The following MICU1 variants were observed in gnomAD, a reference collection of about 807,000 sequenced individuals.
The protein encoded by MICU1 is mitochondrial calcium uptake 1.
In MICU1, 45 loss-of-function variants were observed where a neutral mutation model predicts 56.8. That is an observed-to-expected ratio of 0.79 (90% CI 0.62 to 1.02). MICU1 has a LOEUF of 1.02. MICU1 is among the 50% of genes least tolerant of loss of function. MICU1 has a pLI of 0.00. For synonymous variants in MICU1, 186 were observed against 195.1 expected (o/e 0.95, Z 0.39); for missense variants, 504 against 587.1 (o/e 0.86, Z 1.46).
chr10:72,616,692 ATTGTTT>A (rs1841991757), intron 1 of MICU1, among the ~76,000 whole-genome samples: 1 of 150,854 alleles, frequency 6.6e-6, no homozygotes, highest in Non-Finnish European at 1.5e-5. Flanking sequence ...TTCGGCAAGT[ATTGTTT>A]TATCTGATCT....
At chr10:72,490,982 G>T (rs779758247) in intron 6 of MICU1, among the ~76,000 whole-genome samples, 1 of 152,082 alleles carries the variant, frequency 6.6e-6, no homozygotes, top group Non-Finnish European at 1.5e-5. Context: ...TTTCACTGAC[G>T]TTCCACCACT....
chr10:72,561,742 C>T (rs538044932), intron 3 of MICU1, among the ~76,000 whole-genome samples: 11 of 152,180 alleles, frequency 7.2e-5, no homozygotes, highest in South Asian at 4.2e-4. Context: ...ACCCAGGAAG[C>T]GGAGGTTACA....
intron 1 of MICU1, among the ~76,000 whole-genome samples, chr10:72,611,767 A>G (rs1274381038): frequency 1.3e-5 from 2 of 152,038 alleles, no homozygotes; most frequent in East Asian, 3.9e-4. Flanking sequence ...AGACCTTAAC[A>G]TTTTTCAAAA....
intron 10 of MICU1, among the ~76,000 whole-genome samples, chr10:72,382,266 C>G (rs528752174): frequency 3.5e-5 from 5 of 140,862 alleles, no homozygotes; most frequent in Non-Finnish European, 8.0e-5. Flanking sequence ...CCTGCCACCA[C>G]GTCCGGCTAA....
intron 6 of MICU1, among the ~76,000 whole-genome samples, chr10:72,498,417 C>T (rs1866919943): frequency 6.6e-6 from 1 of 152,122 alleles, no homozygotes; most frequent in South Asian, 2.1e-4. Context: ...GAAACCCCGT[C>T]TCTATTAAAA....
rs76632601 is a variant in MICU1, at chr10:72,532,921, T to C, written c.537+825A>G. ...GGACTTTTATGTAATAATGCAGGAA[T>C]TGGCACATTTCTGCAAAATCAGTTT... On this transcript the variant is annotated intron_variant, in intron 5 of 11. Transcript: ENST00000361114. 2,114 of 1,198,746 alleles carry C rather than the reference T, an allele frequency of 1.8e-3. 29 individuals carry two copies. In the African/African-American group the frequency reaches 0.029, roughly 16 times the overall value. 74.3% of individuals were successfully genotyped at this position (1,198,746 alleles called of 1,614,324 possible).
intron 6 of MICU1, among the ~76,000 whole-genome samples, chr10:72,500,595 T>C (rs1419474710): frequency 6.6e-6 from 1 of 151,970 alleles, no homozygotes; most frequent in African/African-American, 2.4e-5. Flanking sequence ...GTGCTGGGAT[T>C]ACAAGCATGA....
intron 1 of MICU1, among the ~76,000 whole-genome samples, chr10:72,569,228 TATATA>T (rs1209803606): frequency 0.029 from 1,665 of 58,202 alleles, 62 homozygotes; most frequent in East Asian, 0.16. Flanking sequence ...TATATATATA[TATATA>T]TATATTTTTT....
chr10:72,546,085 G>A (rs1315980229), intron 4 of MICU1, among the ~76,000 whole-genome samples: 1 of 152,162 alleles, frequency 6.6e-6, no homozygotes, highest in Non-Finnish European at 1.5e-5. Context: ...TGGCTAAGGG[G>A]AGGGGTCCAT....
chr10:72,426,829 C>T (rs756849565), intron 8 of MICU1, among the ~76,000 whole-genome samples: 1 of 152,210 alleles, frequency 6.6e-6, no homozygotes, highest in East Asian at 1.9e-4. Context: ...CCTGTGGGTG[C>T]ACTCCTGGAG....
chr10:72,409,132 G>A (rs1404821777), intron 9 of MICU1, among the ~76,000 whole-genome samples: 1 of 152,046 alleles, frequency 6.6e-6, no homozygotes, highest in African/African-American at 2.4e-5. Flanking sequence ...TTCTAAGAAG[G>A]GAAAACACTG....
At chr10:72,495,866 TG>T (rs1238310562) in intron 6 of MICU1, among the ~76,000 whole-genome samples, 8 of 152,142 alleles carry the variant, frequency 5.3e-5, no homozygotes, top group African/African-American at 1.9e-4. Context: ...AGAAAATAAC[TG>T]GTCCCTTAAG....
chr10:72,500,703 A>G (rs1296238118), intron 6 of MICU1, among the ~76,000 whole-genome samples: 2 of 152,206 alleles, frequency 1.3e-5, no homozygotes, highest in Non-Finnish European at 2.9e-5. Flanking sequence ...ATAACTTTAG[A>G]TTGAACATAT....
chr10:72,561,651 C>T (rs1217822442), intron 3 of MICU1, among the ~76,000 whole-genome samples: 1 of 152,056 alleles, frequency 6.6e-6, no homozygotes, highest in African/African-American at 2.4e-5. Context: ...ATCTCTCCTA[C>T]AAATACAAAA....
intron 5 of MICU1, among the ~76,000 whole-genome samples, chr10:72,515,438 T>A (rs1043858235): frequency 2.6e-5 from 4 of 152,194 alleles, no homozygotes; most frequent in Non-Finnish European, 5.9e-5. Flanking sequence ...GTGAGTTATA[T>A]TGTAGAATAT....
chr10:72,368,389 G>A (rs2132024040), intron 11 of MICU1, 34 bp from the exon 12 acceptor site: 1 of 1,600,662 alleles, frequency 6.2e-7, no homozygotes. Flanking sequence ...AGGGATAAGT[G>A]TTGGCCTTGG....
chr10:72,534,372 G>C (rs1839571669), intron 4 of MICU1, among the ~76,000 whole-genome samples: 1 of 152,118 alleles, frequency 6.6e-6, no homozygotes, highest in Admixed American at 6.5e-5. Flanking sequence ...GGCAGGGATA[G>C]TTTTGTCTTT....
intron 1 of MICU1, among the ~76,000 whole-genome samples, chr10:72,606,130 CA>C (rs11317547): frequency 0.62 from 76,639 of 123,946 alleles, 21,970 homozygotes; most frequent in Middle Eastern, 0.68. Context: ...GACTCCATCT[CA>C]AAAAAAAAAA....
intron 8 of MICU1, among the ~76,000 whole-genome samples, chr10:72,438,170 T>G (rs542191315): frequency 1.7e-4 from 26 of 150,080 alleles, no homozygotes; most frequent in African/African-American, 5.7e-4. Context: ...TCAGCAAATG[T>G]AAAAGAACAG....
Sources: gnomAD v4.1 joint callset for allele counts (sites outside exome capture counted in the v4.1 genomes callset) on GRCh38, gnomAD v4.1.1 for gene constraint, MANE v1.5 for transcripts, NCBI Gene and HGNC (gene_info 2026-07-23, HGNC 2026-07-21) for gene names.